CFAP119: variants seen among roughly 807,000 people sequenced by gnomAD.
CFAP119 encodes cilia and flagella associated protein 119, also known as cilia- and flagella-associated protein 119.
the CFAP119 span, chr16:30,757,874 CAGT>C: frequency 2.3e-6 from 3 of 1,319,068 alleles, no homozygotes; most frequent in African/African-American, 4.5e-5. Context: ...GATCCCTACT[CAGT>C]AGCTGTGTGA....
the CFAP119 span, chr16:30,760,321 A>G: frequency 9.3e-6 from 15 of 1,614,086 alleles, no homozygotes; most frequent in Non-Finnish European, 1.3e-5. Flanking sequence ...GCAGGGCACA[A>G]GCCGCTGACG....
chr16:30,759,908 G>A, the CFAP119 span: 6 of 1,439,708 alleles, frequency 4.2e-6, no homozygotes, highest in South Asian at 3.0e-5. Context: ...TATGGTTTTC[G>A]GCACTGAACA....
the CFAP119 span, chr16:30,761,362 G>T: frequency 7.1e-7 from 1 of 1,400,218 alleles, no homozygotes; most frequent in Non-Finnish European, 1.0e-6. Context: ...GCGAGGGAGG[G>T]CTTCAGCAGG....
the CFAP119 span, chr16:30,757,779 T>C: frequency 1.4e-6 from 2 of 1,436,900 alleles, no homozygotes; most frequent in Admixed American, 2.9e-5. Context: ...AGCAATGTTG[T>C]TTCCCTTTAG....
the CFAP119 span, chr16:30,760,683 GAAAA>G: frequency 1.3e-6 from 2 of 1,550,884 alleles, no homozygotes; most frequent in African/African-American, 1.4e-5. Flanking sequence ...TATAGTAAAA[GAAAA>G]AGAGTATTGG....
At chr16:30,759,972 GA>G in the CFAP119 span, 9 of 1,453,244 alleles carry the variant, frequency 6.2e-6, no homozygotes, top group Admixed American at 2.4e-4. Flanking sequence ...AATAAACCAA[GA>G]AATAGATCAT....
chr16:30,760,808 C>A, the CFAP119 span: 350 of 743,498 alleles, frequency 4.7e-4, 1 homozygote, highest in African/African-American at 5.3e-3. Flanking sequence ...CTATGCAAAT[C>A]GTTAACTCTC....
At chr16:30,758,807 A>C in the CFAP119 span, 2 of 820,496 alleles carry the variant, frequency 2.4e-6, no homozygotes, top group Non-Finnish European at 1.8e-6. Flanking sequence ...CGCCTGCCTC[A>C]GATTGTGCTG....
the CFAP119 span, chr16:30,759,167 C>T: frequency 6.2e-7 from 1 of 1,614,212 alleles, no homozygotes; most frequent in Admixed American, 1.7e-5. Context: ...TGCCCTGGCA[C>T]TCTCCCTTAC....
At chr16:30,759,653 C>G in the CFAP119 span, 5 of 1,614,038 alleles carry the variant, frequency 3.1e-6, no homozygotes, top group Non-Finnish European at 3.4e-6. Context: ...GGGGAACTGA[C>G]CCTGACTCCA....
the CFAP119 span, chr16:30,759,260 G>A: frequency 6.2e-7 from 1 of 1,614,106 alleles, no homozygotes; most frequent in Non-Finnish European, 8.5e-7. Context: ...GGGAAGCAAG[G>A]CAGAGGGAGG....
At chr16:30,760,578 C>T in the CFAP119 span, 1 of 1,566,552 alleles carries the variant, frequency 6.4e-7, no homozygotes, top group Non-Finnish European at 8.7e-7. Context: ...TTGCCAAGAG[C>T]TCTTCCCACG....
At chr16:30,761,297 C>T in the CFAP119 span, 1 of 1,601,472 alleles carries the variant, frequency 6.2e-7, no homozygotes, top group Non-Finnish European at 8.6e-7. Context: ...CTCCAGCAGG[C>T]CGGAGAAGCC....
the CFAP119 span, chr16:30,760,166 C>T: frequency 1.1e-5 from 17 of 1,593,878 alleles, 1 homozygote; most frequent in South Asian, 1.7e-4. Context: ...TATGATGATG[C>T]TACTAATAAT....
chr16:30,760,637 G>A, the CFAP119 span: 3 of 1,556,066 alleles, frequency 1.9e-6, no homozygotes, highest in South Asian at 3.5e-5. Context: ...GTCTTCTCCA[G>A]CTGGTGCATG....
chr16:30,759,688 TA>T, the CFAP119 span: 1 of 1,613,794 alleles, frequency 6.2e-7, no homozygotes. Context: ...ACTGGTGAAG[TA>T]GCGGTAGCAC....
chr16:30,758,772 C>T, the CFAP119 span: 74 of 600,800 alleles, frequency 1.2e-4, no homozygotes, highest in Middle Eastern at 4.6e-4. Context: ...CCAGGCTGGT[C>T]GCGAACTCCT....
the CFAP119 span, chr16:30,759,027 G>T: frequency 6.2e-7 from 1 of 1,614,104 alleles, no homozygotes; most frequent in African/African-American, 1.3e-5. Flanking sequence ...TCTGGCTCTG[G>T]TGGGGCCACT....
chr16:30,758,101 T>C, the CFAP119 span: 1 of 152,950 alleles, frequency 6.5e-6, no homozygotes, highest in East Asian at 1.9e-4. Context: ...AGATGGAGTC[T>C]TGCTTTATCC....
Sources: allele counts gnomAD v4.1 joint callset, GRCh38; gene constraint gnomAD v4.1.1; transcripts MANE v1.5; gene names NCBI Gene and HGNC (gene_info 2026-07-23, HGNC 2026-07-21).